The following PLEKHG4B variants were observed in gnomAD, a reference collection of about 807,000 sequenced individuals.
PLEKHG4B encodes the protein pleckstrin homology domain-containing family G member 4B.
Under a neutral mutation model 121.3 loss-of-function variants are expected in PLEKHG4B, and 111 were observed. The ratio of observed to expected loss-of-function variants is 0.92; its 90% confidence interval spans 0.78 to 1.07. The LOEUF (loss-of-function observed/expected upper bound fraction) is 1.07. Ranked by LOEUF, PLEKHG4B falls within the 50% of genes least tolerant of loss-of-function variation. The pLI, the probability that PLEKHG4B is intolerant of heterozygous loss-of-function variation, is 0.00. For synonymous variants in PLEKHG4B, 738 were observed against 725.0 expected (o/e 1.02, Z -0.29); for missense variants, 1,831 against 1,757.8 (o/e 1.04, Z -0.74).
At chr5:164,167 A>G (rs1373941176) in intron 13 of PLEKHG4B, among the ~76,000 whole-genome samples, 1 of 152,240 alleles carries the variant, frequency 6.6e-6, no homozygotes, top group East Asian at 1.9e-4. Flanking sequence ...TGGGCCAGCA[A>G]TCCCCATCCT....
Position 182,754 on chromosome 5 carries a change from G to A in PLEKHG4B, c.*431G>A, listed in dbSNP as rs1377233581. On this transcript the variant is annotated 3_prime_UTR_variant, in exon 20 of 20. Coordinates refer to ENST00000637938, the MANE Select transcript of PLEKHG4B (RefSeq NM_052909.5). The stretch of plus-strand genomic sequence containing the variant: ...GGCCTCAGTGCAGGGAGGGGCCCAG[G>A]AAGAGCCCAGCAGCCTCCGTGAGTT... The A allele has an allele frequency of 5.2e-6, 1 of 191,112 alleles. No homozygotes were observed. The highest frequency in any genetic ancestry group is 1.1e-5 in the Non-Finnish European group (1 of 89,818). The allele number at this position is 191,112 out of a possible 1,614,324, so 11.8% of individuals were successfully genotyped here.
chr5:123,242 T>G (rs1034222623), intron 2 of PLEKHG4B, among the ~76,000 whole-genome samples: 4 of 152,018 alleles, frequency 2.6e-5, no homozygotes, highest in South Asian at 2.1e-4. Context: ...AAACCAAAGC[T>G]CAATAACATA....
intron 1 of PLEKHG4B, among the ~76,000 whole-genome samples, chr5:97,776 A>G (rs939393410): frequency 6.6e-6 from 1 of 152,008 alleles, no homozygotes; most frequent in African/African-American, 2.4e-5. Flanking sequence ...GTGTGTATGT[A>G]TATTTGCATT....
At chr5:99,168 GTGTATATATATATATA>G (rs1309363621) in intron 1 of PLEKHG4B, among the ~76,000 whole-genome samples, 1 of 45,118 alleles carries the variant, frequency 2.2e-5, no homozygotes, top group African/African-American at 9.8e-5. Flanking sequence ...AAAAAAAAAA[GTGTATATATATATATA>G]TATATATATA....
In PLEKHG4B at chr5:189,935, A is replaced by G. The variant is rs559404715; in HGVS notation, c.*7612A>G. 6.6e-6 allele frequency: 1 copy of G among 152,388 alleles called. No individual in the cohort carries two copies. Among genetic ancestry groups the G allele is most frequent in the East Asian group, 1.9e-4 (1 of 5,186 alleles). The allele number at this position is 152,388 out of a possible 1,614,324, so 9.4% of individuals were successfully genotyped here. A position where few individuals can be genotyped will look rare whatever the true frequency, so the allele number is the denominator to read the frequency against. On this transcript the variant is annotated 3_prime_UTR_variant, in exon 20 of 20. Transcript: ENST00000637938. ...ACTTTGTATCAATACTGAATTGTTA[A>G]AAATTTTAATCATAAAAACCAATGG...
chr5:93,635 C>T lies in PLEKHG4B; in HGVS notation c.45+1359C>T, dbSNP rs896131936. Among the ~76,000 whole-genome samples the T allele has an allele frequency of 7.3e-4, 111 of 152,326 alleles. 1 individual carries two copies. The highest frequency in any genetic ancestry group is 2.5e-3 in the African/African-American group (103 of 41,578). ...AGCCGGTAGGCCAGGGTGTCAGGTC[C>T]CCTGTGTTAGCCGGAGCCTTCTCAT... is the stretch of plus-strand genomic sequence containing the variant. On this transcript the variant is annotated intron_variant, in intron 1 of 19. Coordinates refer to ENST00000637938, the MANE Select transcript of PLEKHG4B (RefSeq NM_052909.5).
intron 1 of PLEKHG4B, among the ~76,000 whole-genome samples, chr5:112,041 G>A (rs1426581061): frequency 6.6e-6 from 1 of 152,226 alleles, no homozygotes; most frequent in African/African-American, 2.4e-5. Context: ...TTGGAAATTA[G>A]ATCACATAGC....
intron 6 of PLEKHG4B, among the ~76,000 whole-genome samples, chr5:145,721 T>C (rs768566420): frequency 6.6e-6 from 1 of 152,032 alleles, no homozygotes; most frequent in Non-Finnish European, 1.5e-5. Flanking sequence ...GATGGGAAGA[T>C]GCTGCTGCCT....
At chr5:169,760 C>T (rs1441782109) in intron 14 of PLEKHG4B, among the ~76,000 whole-genome samples, 168 bp downstream of exon 14, 1 of 152,260 alleles carries the variant, frequency 6.6e-6, no homozygotes, top group African/African-American at 2.4e-5. Context: ...AGATGCCCCA[C>T]ACGGATAACC....
At chr5:168,205 A>C (rs1433112758) in intron 13 of PLEKHG4B, among the ~76,000 whole-genome samples, 1 of 152,220 alleles carries the variant, frequency 6.6e-6, no homozygotes, top group Non-Finnish European at 1.5e-5. Context: ...TCACGGGAAC[A>C]GTGCTCCTAC....
At chr5:109,305 G>A (rs1185056757) in intron 1 of PLEKHG4B, among the ~76,000 whole-genome samples, 3 of 149,836 alleles carry the variant, frequency 2.0e-5, no homozygotes, top group Non-Finnish European at 2.9e-5. Flanking sequence ...GCTGAGAGAG[G>A]AGAATCACTT....
At chr5:158,442 C>G (rs1477609946) in intron 11 of PLEKHG4B, among the ~76,000 whole-genome samples, 1 of 148,182 alleles carries the variant, frequency 6.7e-6, no homozygotes, top group Non-Finnish European at 1.5e-5. Context: ...CCTCTCCTCC[C>G]TCTGCCCGTC....
At chr5:162,261 GCGAGC>G (rs1560940792) in intron 12 of PLEKHG4B, among the ~76,000 whole-genome samples, 9 of 70,568 alleles carry the variant, frequency 1.3e-4, no homozygotes, top group East Asian at 5.6e-4. Context: ...CTGCTCGCCT[GCGAGC>G]TCCCACGCGC....
chr5:124,557 T>A (rs1237555898), intron 2 of PLEKHG4B, among the ~76,000 whole-genome samples: 3 of 152,258 alleles, frequency 2.0e-5, no homozygotes, highest in African/African-American at 7.2e-5. Flanking sequence ...TGCATACATT[T>A]TGATGGTCTG....
rs752420520 is a variant in PLEKHG4B, at chr5:155,368, C to T, written c.2133C>T (p.Asn711=). ...FRQRLEHFAA[N]CEEAIIFLQN... ...AGAGGCTGGAACACTTCGCTGCAAACTGTGAAGAAGCCATCATTTTCCTAC... is the reference window on the plus strand; with the variant it reads ...AGAGGCTGGAACACTTCGCTGCAAATTGTGAAGAAGCCATCATTTTCCTAC... Residue 711 remains asparagine, a synonymous_variant, in exon 9 of 20, where the codon AAC becomes AAT. Transcript: ENST00000637938. The T allele has an allele frequency of 1.2e-6, 2 of 1,614,188 alleles. No individual in the cohort carries two copies. The highest frequency in any genetic ancestry group is 2.2e-5 in the South Asian group (2 of 91,086).
At chr5:162,179 C>A (rs1391329281) in intron 12 of PLEKHG4B, among the ~76,000 whole-genome samples, 1 of 152,256 alleles carries the variant, frequency 6.6e-6, no homozygotes, top group Non-Finnish European at 1.5e-5. Context: ...ACACACATTT[C>A]TCTGTGTGTT....
rs1735117749 is a variant in PLEKHG4B at position 140,284 on chromosome 5, A to G, written c.1045A>G (p.Arg349Gly). 1.4e-6 allele frequency: 2 copies of G among 1,474,064 alleles called. No homozygotes were observed. The highest frequency in any genetic ancestry group is 1.4e-5 in the African/African-American group (1 of 70,506). 91.3% of individuals were successfully genotyped at this position (1,474,064 alleles called of 1,614,324 possible). Residue 349 changes from arginine (R) to glycine (G), a missense_variant, in exon 3 of 20, where the codon AGA becomes GGA. Coordinates refer to ENST00000637938, the MANE Select transcript of PLEKHG4B (RefSeq NM_052909.5). ...GGGGGACCCCACTTGTGTGCAGCCT[A>G]GACGCTGGTTCAGGGAGTCGTACAT... ...PPGDPTCVQPRRWFRESYMEA... is the reference protein window; with the variant it reads ...PPGDPTCVQPGRWFRESYMEA...
intron 1 of PLEKHG4B, among the ~76,000 whole-genome samples, chr5:107,494 T>C (rs1048302499): frequency 1.3e-5 from 2 of 152,186 alleles, no homozygotes; most frequent in African/African-American, 2.4e-5. Context: ...GGGAGAGTCT[T>C]GGGTGCTCCC....
intron 13 of PLEKHG4B, among the ~76,000 whole-genome samples, chr5:164,899 G>GCTCACAC (rs1736240773): frequency 4.4e-5 from 1 of 22,782 alleles, no homozygotes; most frequent in African/African-American, 1.4e-4. Flanking sequence ...AGCTCACACA[G>GCTCACAC]TAATGCTGTG....
Sources: gnomAD v4.1 joint callset for allele counts (sites outside exome capture counted in the v4.1 genomes callset) on GRCh38, gnomAD v4.1.1 for gene constraint, MANE v1.5 for transcripts, NCBI Gene and HGNC (gene_info 2026-07-23, HGNC 2026-07-21) for gene names.